NEBL: variants seen among roughly 807,000 people sequenced by gnomAD.
NEBL encodes nebulette.
A neutral mutation model predicts 140.2 loss-of-function variants in NEBL; 122 were observed. The observed-to-expected ratio is 0.87, with a 90% CI of 0.75 to 1.01. NEBL has a LOEUF of 1.01. Ranked by LOEUF, NEBL falls within the 50% of genes least tolerant of loss-of-function variation. The pLI, the probability that NEBL is intolerant of heterozygous loss-of-function variation, is 0.00. For synonymous variants in NEBL, 436 were observed against 398.9 expected, an observed-to-expected ratio of 1.09 and a Z score of -1.11; for missense variants, 1,365 against 1,231.3, an observed-to-expected ratio of 1.11 and a Z score of -1.62.
intron 3 of NEBL, among the ~76,000 whole-genome samples, chr10:21,220,094 G>A (rs1405701592): frequency 6.6e-6 from 1 of 151,924 alleles, no homozygotes; most frequent in Non-Finnish European, 1.5e-5. Context: ...TGTATTTTTA[G>A]TAGAGGCAGG....
intron 2 of NEBL, among the ~76,000 whole-genome samples, chr10:21,169,059 AAAAAAAAAATATATATATAT>A (rs1035033480): frequency 6.8e-5 from 3 of 43,826 alleles, no homozygotes; most frequent in Non-Finnish European, 1.4e-4. Flanking sequence ...CAAAAAAAAA[AAAAAAAAAATATATATATAT>A]ATATATATAT....
At chr10:21,137,668 C>T (rs1477987500) in intron 2 of NEBL, among the ~76,000 whole-genome samples, 2 of 152,096 alleles carry the variant, frequency 1.3e-5, no homozygotes, top group South Asian at 2.1e-4. Context: ...CATGGTGGCT[C>T]ATGACTGTAA....
At chr10:21,166,069 A>AG (rs1374023161) in intron 2 of NEBL, among the ~76,000 whole-genome samples, 3 of 151,040 alleles carry the variant, frequency 2.0e-5, no homozygotes, top group Non-Finnish European at 2.9e-5. Flanking sequence ...AAATACAAAA[A>AG]ATTAGCCGGG....
chr10:20,860,043 G>A (rs1843515154), intron 7 of NEBL, among the ~76,000 whole-genome samples: 1 of 152,006 alleles, frequency 6.6e-6, no homozygotes, highest in Non-Finnish European at 1.5e-5. Context: ...AATTAGGCAT[G>A]AACTCAAATC....
intron 5 of NEBL, among the ~76,000 whole-genome samples, chr10:20,873,520 T>C (rs941340674): frequency 6.7e-6 from 1 of 149,574 alleles, no homozygotes; most frequent in Admixed American, 6.7e-5. Flanking sequence ...GAAAGAAAGA[T>C]TAAAGAAGAA....
chr10:20,910,523 C>A (rs16921248), intron 4 of NEBL, among the ~76,000 whole-genome samples: 30 of 152,068 alleles, frequency 2.0e-4, no homozygotes, highest in Non-Finnish European at 4.3e-4. Flanking sequence ...GTGAAGGCAG[C>A]TAAACCCTCA....
chr10:21,159,151 A>G (rs527858916), intron 2 of NEBL, among the ~76,000 whole-genome samples: 10 of 152,054 alleles, frequency 6.6e-5, no homozygotes, highest in Admixed American at 1.3e-4. Flanking sequence ...TCTCTCTCTG[A>G]AATAATTAAC....
At chr10:21,029,206 C>T (rs1833674067) in intron 2 of NEBL, 6 of 1,438,064 alleles carry the variant, frequency 4.2e-6, no homozygotes, top group Non-Finnish European at 5.9e-6. Flanking sequence ...TCCAATTGAC[C>T]ATTCCATCCT....
intron 3 of NEBL, among the ~76,000 whole-genome samples, chr10:21,225,792 T>C (rs1337015873): frequency 6.6e-6 from 1 of 152,134 alleles, no homozygotes; most frequent in Non-Finnish European, 1.5e-5. Flanking sequence ...TGGATGTCCC[T>C]CTTGCCCAGA....
intron 3 of NEBL, among the ~76,000 whole-genome samples, chr10:20,984,221 A>G (rs1184788511): frequency 6.6e-6 from 1 of 152,108 alleles, no homozygotes; most frequent in Non-Finnish European, 1.5e-5. Context: ...AAACTTGTGT[A>G]TGCTACATTG....
At chr10:21,176,267 T>C (rs1262885275), upstream of NEBL, among the ~76,000 whole-genome samples, 5 of 152,196 alleles carry the variant, frequency 3.3e-5, no homozygotes, top group African/African-American at 4.8e-5. Flanking sequence ...CCTCCCAAAG[T>C]GCTAGGATTA....
At chr10:20,958,088 G>A (rs759746412) in intron 4 of NEBL, among the ~76,000 whole-genome samples, 7 of 152,164 alleles carry the variant, frequency 4.6e-5, no homozygotes, top group Admixed American at 3.9e-4. Flanking sequence ...AAACTTGAAG[G>A]TGGGAACCAC....
At chr10:21,191,522 C>T (rs1405639832) in intron 3 of NEBL, among the ~76,000 whole-genome samples, 1 of 152,166 alleles carries the variant, frequency 6.6e-6, no homozygotes, top group Admixed American at 6.5e-5. Flanking sequence ...TTTTTCCTAT[C>T]AATGGAAGTT....
chr10:21,174,036 G>T (rs939510999), exon 1 of NEBL: 1 of 1,136,066 alleles, frequency 8.8e-7, no homozygotes, highest in Non-Finnish European at 1.1e-6. Context: ...CCGCGCTCTC[G>T]GGCTCGCAGG....
At chr10:20,992,974 G>A (rs1217094972) in intron 3 of NEBL, among the ~76,000 whole-genome samples, 1 of 151,250 alleles carries the variant, frequency 6.6e-6, no homozygotes, top group Non-Finnish European at 1.5e-5. Context: ...TAGTAGAGAC[G>A]GGGTTTCACT....
intron 4 of NEBL, among the ~76,000 whole-genome samples, chr10:20,921,267 C>T (rs1236867408): frequency 1.3e-5 from 2 of 152,080 alleles, no homozygotes. Context: ...CACGCACCTA[C>T]CTGAGTATTC....
chr10:21,072,892 G>C (rs1018432578), intron 2 of NEBL, among the ~76,000 whole-genome samples: 1 of 152,226 alleles, frequency 6.6e-6, no homozygotes, highest in South Asian at 2.1e-4. Flanking sequence ...TTGGGAGGCT[G>C]AGGCATGAGA....
At chr10:21,115,887 A>T (rs1838262038) in intron 2 of NEBL, among the ~76,000 whole-genome samples, 1 of 152,032 alleles carries the variant, frequency 6.6e-6, no homozygotes, top group African/African-American at 2.4e-5. Context: ...AATTATAAAC[A>T]TGATGGGCTA....
intron 2 of NEBL, among the ~76,000 whole-genome samples, chr10:21,091,445 A>G (rs1330626941): frequency 1.3e-5 from 2 of 152,230 alleles, no homozygotes; most frequent in African/African-American, 4.8e-5. Flanking sequence ...AAAAAAATGT[A>G]TGAGACAAAT....
Sources: allele counts gnomAD v4.1 joint callset (sites outside exome capture counted in the v4.1 genomes callset), GRCh38; gene constraint gnomAD v4.1.1; transcripts MANE v1.5; gene names NCBI Gene and HGNC (gene_info 2026-07-23, HGNC 2026-07-21).